The following RBFOX1 variants were observed in gnomAD, a reference collection of about 807,000 sequenced individuals.
RBFOX1 encodes the protein RNA binding protein fox-1 homolog 1.
A neutral mutation model predicts 57.7 loss-of-function variants in RBFOX1; 8 were observed. The ratio of observed to expected loss-of-function variants is 0.14; its 90% CI spans 0.08 to 0.25. RBFOX1 has a LOEUF of 0.25. Among genes scored for constraint, RBFOX1 ranks in the 10% least tolerant of loss-of-function variants. The pLI, the probability that RBFOX1 is intolerant of heterozygous loss-of-function variation, is 1.00. For missense variants in RBFOX1, 611 were observed against 548.5 expected, an observed-to-expected ratio of 1.11 and a Z score of -1.14; for synonymous variants, 326 against 222.4, an observed-to-expected ratio of 1.47 and a Z score of -4.15.
At chr16:6,341,067 G>A (rs757956174) in intron 2 of RBFOX1, among the ~76,000 whole-genome samples, 1 of 152,150 alleles carries the variant, frequency 6.6e-6, no homozygotes, top group Non-Finnish European at 1.5e-5. Context: ...CACTGATGCT[G>A]CATCAAATGA....
In RBFOX1 at chr16:7,661,529, G is replaced by A. The variant is rs1186764367; in HGVS notation, c.891-3400G>A. Among the ~76,000 whole-genome samples, 5 of 152,242 alleles carry A rather than the reference G, an allele frequency of 3.3e-5. No individual in the cohort carries two copies. In the South Asian group the frequency reaches 8.3e-4, roughly 25 times the overall value. ...TTAGCCTCTCTCGTCTCTGCTGCTGGCCCTGCCTCCTTCCGTTCCACATTC... is the reference window on the plus strand; with the variant it reads ...TTAGCCTCTCTCGTCTCTGCTGCTGACCCTGCCTCCTTCCGTTCCACATTC... On this transcript the variant is annotated intron_variant, in intron 12 of 15. Transcript: ENST00000550418.
intron 1 of RBFOX1, among the ~76,000 whole-genome samples, chr16:6,195,476 G>C (rs2097173819): frequency 2.0e-5 from 3 of 152,200 alleles, no homozygotes; most frequent in African/African-American, 7.2e-5. Flanking sequence ...CCAGGACTTT[G>C]AGAGGCCAAG....
intron 3 of RBFOX1, among the ~76,000 whole-genome samples, chr16:5,735,004 A>G (rs1391259732): frequency 1.3e-5 from 2 of 152,170 alleles, no homozygotes; most frequent in African/African-American, 2.4e-5. Flanking sequence ...AAGAAAGAAG[A>G]CAACTCCAAG....
At chr16:6,645,511 C>G (rs967140937) in intron 2 of RBFOX1, among the ~76,000 whole-genome samples, 2 of 152,094 alleles carry the variant, frequency 1.3e-5, no homozygotes, top group South Asian at 2.1e-4. Flanking sequence ...ATGAATAACC[C>G]TGACCTACAA....
chr16:5,914,626 G>C (rs766615476), intron 4 of RBFOX1, among the ~76,000 whole-genome samples: 61 of 152,326 alleles, frequency 4.0e-4, no homozygotes, highest in Non-Finnish European at 6.9e-4. Flanking sequence ...GCCGGGCGAG[G>C]TGGCTCATGC....
At chr16:5,961,327 C>T (rs1046339294) in intron 4 of RBFOX1, among the ~76,000 whole-genome samples, 3 of 151,962 alleles carry the variant, frequency 2.0e-5, no homozygotes, top group African/African-American at 4.8e-5. Flanking sequence ...CATATTTAAC[C>T]GTTGTTGAAA....
rs564953056 is a variant in RBFOX1 at position 5,380,434 on chromosome 16, C to G, written c.220-86782C>G. On this transcript the variant is annotated intron_variant, in intron 1 of 2. Coordinates refer to the RBFOX1 transcript ENST00000585867. The stretch of plus-strand genomic sequence containing the variant: ...ACTCTAAAGCAAGCAAGTTGGAAAA[C>G]TAAGGTCTGCTGTGATCGTCTTTAT... Among the ~76,000 whole-genome samples, 76 of 152,302 alleles carry G rather than the reference C, an allele frequency of 5.0e-4. 1 individual carries two copies. Among genetic ancestry groups the G allele is most frequent in the African/African-American group, 1.8e-3 (74 of 41,562 alleles).
At chr16:7,153,932 C>A (rs1357493196) in intron 4 of RBFOX1, among the ~76,000 whole-genome samples, 1 of 151,372 alleles carries the variant, frequency 6.6e-6, no homozygotes, top group East Asian at 1.9e-4. Context: ...TTAAAAAAAA[C>A]CCTTTTAAAT....
At position 7,518,147 on chromosome 16, in the gene RBFOX1, G is replaced by T; in HGVS notation, c.28G>T (p.Gly10Cys). The T allele has an allele frequency of 6.2e-7, 1 of 1,606,614 alleles. No individual in the cohort carries two copies. Among genetic ancestry groups the T allele is most frequent in the Non-Finnish European group, 8.5e-7 (1 of 1,176,756 alleles). The change falls in exon 5 of 16, where the codon GGT becomes TGT. Residue 10 changes from glycine (G) to cysteine (C), a missense_variant and splice_region_variant. By Grantham distance (159) the Gly-to-Cys change is radical (BLOSUM62 -3). This residue lies in a region of RBFOX1 where 245 missense variants were observed against 159.1 expected (regional missense o/e 1.54). Coordinates refer to ENST00000550418, the MANE Select transcript of RBFOX1 (RefSeq NM_018723.4). ...TCTCTGCACCTTTTTGATTTTTCAG[G>T]GTAATCAGGAAGCAGCCGCTGCCCC... MNCEREQLR[G>C]NQEAAAAPDT...
chr16:5,461,291 G>A (rs917099833), intron 1 of RBFOX1, among the ~76,000 whole-genome samples: 2 of 152,186 alleles, frequency 1.3e-5, no homozygotes, highest in African/African-American at 4.8e-5. Context: ...AGTGCAATTA[G>A]AGGCTCGATG....
chr16:6,161,388 T>TAAA (rs57538647), intron 1 of RBFOX1, among the ~76,000 whole-genome samples: 5 of 131,902 alleles, frequency 3.8e-5, no homozygotes, highest in African/African-American at 1.1e-4. Flanking sequence ...GACTCTGTCT[T>TAAA]AAAAAAAAAA....
chr16:6,690,461 T>C (rs1016761407), intron 3 of RBFOX1, among the ~76,000 whole-genome samples: 1 of 152,112 alleles, frequency 6.6e-6, no homozygotes, highest in Admixed American at 6.5e-5. Context: ...TTGCCTACTA[T>C]AGTTTAACAT....
At chr16:7,146,824 C>T (rs2075072387) in intron 4 of RBFOX1, among the ~76,000 whole-genome samples, 1 of 149,826 alleles carries the variant, frequency 6.7e-6, no homozygotes, top group Non-Finnish European at 1.5e-5. Flanking sequence ...GTGGCACATG[C>T]CTGTAGTCCC....
At chr16:5,998,655 T>G (rs367934173) in intron 4 of RBFOX1, among the ~76,000 whole-genome samples, 1 of 152,156 alleles carries the variant, frequency 6.6e-6, no homozygotes, top group Non-Finnish European at 1.5e-5. Context: ...AAATCCTGAG[T>G]GCACTGGTGT....
At chr16:6,962,266 C>T (rs1568105208) in intron 3 of RBFOX1, among the ~76,000 whole-genome samples, 1 of 152,076 alleles carries the variant, frequency 6.6e-6, no homozygotes, top group Admixed American at 6.5e-5. Flanking sequence ...CTTTCTCTTA[C>T]AAAAAGACTA....
chr16:7,610,045 T>G (rs954134499), intron 10 of RBFOX1, among the ~76,000 whole-genome samples: 1 of 149,860 alleles, frequency 6.7e-6, no homozygotes, highest in Non-Finnish European at 1.5e-5. Context: ...CTCCATCTCC[T>G]GACCTCATGA....
intron 4 of RBFOX1, among the ~76,000 whole-genome samples, chr16:7,241,130 A>C (rs1351908822): frequency 6.6e-6 from 1 of 152,202 alleles, no homozygotes; most frequent in Admixed American, 6.5e-5. Flanking sequence ...CCCGAGGCAG[A>C]AGTATCCCCT....
In RBFOX1 at chr16:6,944,913, A is replaced by G. The variant is rs964921354; in HGVS notation, c.-15-107144A>G. ...AGCTATGAATTTGCAGCTCTTAGCT[A>G]TTCTGTCTGTAAGGATGAAGACAGT... On this transcript the variant is annotated intron_variant, in intron 3 of 15. Transcript: ENST00000550418. 5.3e-5 allele frequency among the ~76,000 whole-genome samples: 8 copies of G among 152,160 alleles called. No homozygotes were observed. The South Asian group carries it at 6.2e-4, about 12-fold the overall frequency.
chr16:7,073,485 C>G (rs996639157), intron 4 of RBFOX1, among the ~76,000 whole-genome samples: 1 of 152,104 alleles, frequency 6.6e-6, no homozygotes, highest in Non-Finnish European at 1.5e-5. Flanking sequence ...TTCAGACCCC[C>G]TACAATTCGT....
Sources: gnomAD v4.1 joint callset for allele counts (sites outside exome capture counted in the v4.1 genomes callset) on GRCh38, gnomAD v4.1.1 for gene constraint, gnomAD v4.1.1 regional missense constraint, MANE v1.5 for transcripts, NCBI Gene and HGNC (gene_info 2026-07-23, HGNC 2026-07-21) for gene names.